The following CCDC91 variants were observed in gnomAD, a reference collection of about 807,000 sequenced individuals.
CCDC91 encodes the protein coiled-coil domain containing 91.
Under a neutral mutation model 63.2 loss-of-function variants are expected in CCDC91, and 48 were observed. The ratio of observed to expected loss-of-function variants is 0.76; its 90% CI spans 0.60 to 0.97. The LOEUF (loss-of-function observed/expected upper bound fraction) is 0.97. CCDC91 is among the 50% of genes least tolerant of loss of function. The pLI is 0.00. For missense variants in CCDC91, 500 were observed against 494.6 expected, an observed-to-expected ratio of 1.01 and a Z score of -0.10; for synonymous variants, 167 against 165.8, an observed-to-expected ratio of 1.01 and a Z score of -0.06.
intron 7 of CCDC91, among the ~76,000 whole-genome samples, chr12:28,386,910 A>G (rs1945638315): frequency 1.3e-5 from 2 of 152,174 alleles, no homozygotes; most frequent in Admixed American, 1.3e-4. Flanking sequence ...ATAGTTGAAA[A>G]TAGATTAGAA....
intron 12 of CCDC91, among the ~76,000 whole-genome samples, chr12:28,503,894 A>C (rs1031775180): frequency 2.0e-5 from 3 of 149,798 alleles, no homozygotes; most frequent in Admixed American, 1.3e-4. Flanking sequence ...ATGAGAACAC[A>C]TGGACACAGG....
chr12:28,535,860 C>A (rs1431620999), intron 12 of CCDC91, among the ~76,000 whole-genome samples: 1 of 151,856 alleles, frequency 6.6e-6, no homozygotes, highest in South Asian at 2.1e-4. Context: ...AACCCCGTCT[C>A]TACTAAAAAA....
At chr12:28,359,789 C>CTTTTTTTTTTTTTTTTTTTTTTTTTTTT (rs1565853581) in intron 6 of CCDC91, among the ~76,000 whole-genome samples, 3 of 150,402 alleles carry the variant, frequency 2.0e-5, no homozygotes, top group African/African-American at 7.5e-5. Context: ...TTTCTATTTA[C>CTTTTTTTTTTTTTTTTTTTTTTTTTTTT]TTTTAAAATC....
intron 1 of CCDC91, among the ~76,000 whole-genome samples, chr12:28,241,975 G>A (rs1232027340): frequency 8.9e-6 from 1 of 112,438 alleles, no homozygotes; most frequent in Non-Finnish European, 1.6e-5. Flanking sequence ...CAGCGTGGGC[G>A]ACAGACCGAG....
chr12:28,336,095 C>A (rs1190136663), intron 6 of CCDC91, among the ~76,000 whole-genome samples: 1 of 150,732 alleles, frequency 6.6e-6, no homozygotes, highest in Admixed American at 6.6e-5. Context: ...CCCAAAGAAA[C>A]ACAAATGGCT....
At chr12:28,362,411 A>C (rs1565858173) in intron 6 of CCDC91, 27 bp from the exon 7 acceptor site, 1 of 1,487,518 alleles carries the variant, frequency 6.7e-7, no homozygotes, top group Non-Finnish European at 9.1e-7. Flanking sequence ...AGAAAAACTC[A>C]TGGTTTTAGT....
chr12:28,273,933 G>C (rs1348785161), intron 3 of CCDC91, among the ~76,000 whole-genome samples: 1 of 152,088 alleles, frequency 6.6e-6, no homozygotes, highest in East Asian at 1.9e-4. Context: ...TGTCCTGAAG[G>C]GTATTGCCTA....
At chr12:28,350,517 G>A (rs1459294556) in intron 6 of CCDC91, among the ~76,000 whole-genome samples, 1 of 152,164 alleles carries the variant, frequency 6.6e-6, no homozygotes, top group East Asian at 1.9e-4. Flanking sequence ...AGGTACTTGA[G>A]GTTTTTTGGT....
chr12:28,256,023 C>T (rs553788591), intron 1 of CCDC91: 2 of 152,068 alleles, frequency 1.3e-5, no homozygotes, highest in South Asian at 4.1e-4. Flanking sequence ...GATTGTTTTC[C>T]TGTAATGAAG....
At chr12:28,521,495 AT>A (rs1304019330) in intron 12 of CCDC91, among the ~76,000 whole-genome samples, 18 of 152,144 alleles carry the variant, frequency 1.2e-4, no homozygotes, top group Non-Finnish European at 2.9e-5. Context: ...GGTTTTCTAG[AT>A]ATACAATCAT....
chr12:28,233,214 C>T (rs942305685), intron 1 of CCDC91, among the ~76,000 whole-genome samples: 4 of 152,010 alleles, frequency 2.6e-5, no homozygotes, highest in Non-Finnish European at 5.9e-5. Flanking sequence ...TCAGAGAATT[C>T]CCTCATTCCC....
chr12:28,260,830 G>A (rs1460540680), intron 3 of CCDC91, among the ~76,000 whole-genome samples: 2 of 151,934 alleles, frequency 1.3e-5, no homozygotes, highest in Non-Finnish European at 2.9e-5. Flanking sequence ...AAATGGATAG[G>A]GAGAGCTGGG....
intron 12 of CCDC91, among the ~76,000 whole-genome samples, chr12:28,541,339 T>C (rs1942617619): frequency 6.6e-6 from 1 of 152,014 alleles, no homozygotes; most frequent in South Asian, 2.1e-4. Context: ...GAATAAGACT[T>C]GTGGACAGTC....
At chr12:28,472,716 T>C (rs930803820) in intron 11 of CCDC91, among the ~76,000 whole-genome samples, 11 of 152,182 alleles carry the variant, frequency 7.2e-5, no homozygotes, top group African/African-American at 2.7e-4. Flanking sequence ...TTTGATTGAG[T>C]ACAGTCATCA....
At chr12:28,313,214 G>A (rs1277498558) in intron 6 of CCDC91, among the ~76,000 whole-genome samples, 2 of 151,896 alleles carry the variant, frequency 1.3e-5, no homozygotes, top group Admixed American at 6.6e-5. Context: ...CTGCATCTCT[G>A]TGGTATCCTA....
At chr12:28,337,262 A>T (rs1055792668) in intron 6 of CCDC91, among the ~76,000 whole-genome samples, 10 of 152,166 alleles carry the variant, frequency 6.6e-5, no homozygotes, top group African/African-American at 2.4e-4. Flanking sequence ...AAATAACAAC[A>T]TGTATTTGAT....
intron 1 of CCDC91, among the ~76,000 whole-genome samples, chr12:28,194,255 CTT>C (rs1941540460): frequency 6.6e-6 from 1 of 152,106 alleles, no homozygotes; most frequent in African/African-American, 2.4e-5. Flanking sequence ...CTCTCTCTCT[CTT>C]TCTCTCTCTG....
chr12:28,360,574 G>A (rs963864867), intron 6 of CCDC91, among the ~76,000 whole-genome samples: 2 of 152,000 alleles, frequency 1.3e-5, no homozygotes, highest in Admixed American at 1.3e-4. Context: ...AACCAACCTG[G>A]CATTAGTATA....
At chr12:28,307,799 T>A (rs747241017) in intron 6 of CCDC91, 50 bp downstream of exon 6, 12 of 950,434 alleles carry the variant, frequency 1.3e-5, no homozygotes, top group Non-Finnish European at 1.7e-6. Flanking sequence ...TGATGAAGCA[T>A]GTGCTATAAT....
Sources: gnomAD v4.1 joint callset for allele counts (sites outside exome capture counted in the v4.1 genomes callset) on GRCh38, gnomAD v4.1.1 for gene constraint, MANE v1.5 for transcripts, NCBI Gene and HGNC (gene_info 2026-07-23, HGNC 2026-07-21) for gene names.